Variants in B3GLCT observed in about 807,000 individuals in gnomAD.
B3GLCT encodes the protein beta 3-glucosyltransferase, also known as beta-1,3-glucosyltransferase.
In B3GLCT, 65 loss-of-function variants were observed where a neutral mutation model predicts 63.4. The observed-to-expected ratio is 1.03, with a 90% CI of 0.84 to 1.26. The LOEUF is 1.26. Ranked by LOEUF, B3GLCT falls within the 50% of genes most tolerant of loss-of-function variation. The pLI is 0.00. For synonymous variants in B3GLCT, 233 were observed against 219.2 expected (o/e 1.06, Z -0.55); for missense variants, 577 against 604.8 (o/e 0.95, Z 0.48).
At chr13:31,325,837 C>T (rs1189425418) in intron 14 of B3GLCT, among the ~76,000 whole-genome samples, 1 of 152,176 alleles carries the variant, frequency 6.6e-6, no homozygotes, top group Non-Finnish European at 1.5e-5. Flanking sequence ...TCCTGATGAG[C>T]TAGAGACAGA....
At chr13:31,320,740 T>G (rs937369805) in intron 13 of B3GLCT, among the ~76,000 whole-genome samples, 83 of 152,332 alleles carry the variant, frequency 5.4e-4, no homozygotes, top group African/African-American at 1.9e-3. Context: ...ATCTACACCC[T>G]TATCTTAAAG....
At chr13:31,249,095 T>C (rs759549208) in intron 6 of B3GLCT, among the ~76,000 whole-genome samples, 2 of 152,138 alleles carry the variant, frequency 1.3e-5, no homozygotes, top group Non-Finnish European at 2.9e-5. Flanking sequence ...TCAGATGTAA[T>C]GAGCTCATGG....
At chr13:31,253,025 G>T (rs1391610755) in intron 6 of B3GLCT, among the ~76,000 whole-genome samples, 1 of 152,216 alleles carries the variant, frequency 6.6e-6, no homozygotes, top group Non-Finnish European at 1.5e-5. Context: ...TCAGACCACA[G>T]TGCAATCAAA....
chr13:31,272,104 A>C (rs1872594903), intron 8 of B3GLCT, among the ~76,000 whole-genome samples: 1 of 152,026 alleles, frequency 6.6e-6, no homozygotes, highest in South Asian at 2.1e-4. Context: ...CTCCAGTTTG[A>C]AAATCTTTAT....
intron 2 of B3GLCT, among the ~76,000 whole-genome samples, chr13:31,219,956 C>T (rs566015028): frequency 9.2e-5 from 14 of 152,182 alleles, no homozygotes; most frequent in Non-Finnish European, 1.6e-4. Context: ...ACCCTGTGCT[C>T]AGCATTTTAC....
At position 31,200,018 on chromosome 13, in the gene B3GLCT, G is replaced by C. The variant is rs1301032154; in HGVS notation, c.-67G>C. On this transcript the variant is annotated 5_prime_UTR_variant, in exon 1 of 15. Coordinates refer to ENST00000343307, the MANE Select transcript of B3GLCT (RefSeq NM_194318.4). Reference sequence around the variant, plus strand: ...GCGGCAGGGCGGCGGCGGCAGCGGCGCAGCTCCGCTCCCCGCGCGTCTCCC... The same window carrying C: ...GCGGCAGGGCGGCGGCGGCAGCGGCCCAGCTCCGCTCCCCGCGCGTCTCCC... 2 of 1,040,044 alleles carry C rather than the reference G, an allele frequency of 1.9e-6. No homozygotes were observed. Among genetic ancestry groups the C allele is most frequent in the African/African-American group, 1.7e-5 (1 of 58,978 alleles). The allele number at this position is 1,040,044 out of a possible 1,614,324, so 64.4% of individuals were successfully genotyped here. A position where few individuals can be genotyped will look rare whatever the true frequency, so the allele number is the denominator to read the frequency against.
chr13:31,203,884 C>T (rs963151731), intron 1 of B3GLCT, among the ~76,000 whole-genome samples: 1 of 152,118 alleles, frequency 6.6e-6, no homozygotes, highest in Admixed American at 6.6e-5. Flanking sequence ...TTAACGTAGG[C>T]GTTGACTTGA....
At chr13:31,251,184 C>T (rs572225713) in intron 6 of B3GLCT, among the ~76,000 whole-genome samples, 3 of 152,284 alleles carry the variant, frequency 2.0e-5, no homozygotes, top group East Asian at 3.9e-4. Context: ...ACAAAAAGGA[C>T]GTCCACTCAG....
intron 3 of B3GLCT, among the ~76,000 whole-genome samples, chr13:31,228,237 C>T (rs1393310541): frequency 6.6e-6 from 1 of 152,250 alleles, no homozygotes; most frequent in Admixed American, 6.5e-5. Context: ...GGAGATAACA[C>T]CTAATCCTGG....
At chr13:31,254,602 A>C (rs1012387922) in intron 6 of B3GLCT, among the ~76,000 whole-genome samples, 2 of 152,210 alleles carry the variant, frequency 1.3e-5, no homozygotes, top group Admixed American at 6.5e-5. Flanking sequence ...AAACTGGCAC[A>C]AGACAAGGAT....
chr13:31,235,340 A>G (rs948118457), intron 4 of B3GLCT, among the ~76,000 whole-genome samples: 1 of 152,044 alleles, frequency 6.6e-6, no homozygotes, highest in Non-Finnish European at 1.5e-5. Context: ...TAGATTTGAG[A>G]GTCAGCAGCA....
chr13:31,248,659 A>G (rs1164114328), intron 6 of B3GLCT, among the ~76,000 whole-genome samples: 1 of 152,162 alleles, frequency 6.6e-6, no homozygotes, highest in Admixed American at 6.5e-5. Context: ...GTGGGAAGGG[A>G]TGTATCTTGA....
intron 8 of B3GLCT, among the ~76,000 whole-genome samples, chr13:31,272,113 A>G (rs1033025972): frequency 1.3e-5 from 2 of 151,760 alleles, no homozygotes; most frequent in Non-Finnish European, 2.9e-5. Flanking sequence ...GAAAATCTTT[A>G]TCTTTAAACC....
In B3GLCT at chr13:31,207,299, T is replaced by TAAAA; in HGVS notation, c.70+7145_70+7146insAAAA. 1.3e-5 allele frequency among the ~76,000 whole-genome samples: 2 copies of TAAAA among 151,998 alleles called. 1 individual carries two copies. Among genetic ancestry groups the TAAAA allele is most frequent in the African/African-American group, 4.8e-5 (2 of 41,414 alleles). On this transcript the variant is annotated intron_variant, in intron 1 of 14. Transcript: ENST00000343307. The stretch of plus-strand genomic sequence containing the variant: ...GCGTAAACTGCTAATTTTTTTTTTT[T>TAAAA]GTTTGAATGTTTGCTGTGTTCCTCT...
intron 12 of B3GLCT, among the ~76,000 whole-genome samples, chr13:31,316,432 AATT>A: frequency 4.7e-5 from 1 of 21,432 alleles, no homozygotes; most frequent in African/African-American, 1.1e-4. Flanking sequence ...TATATATATA[AATT>A]TTTTTTTTTT....
At chr13:31,266,851 A>G (rs1348759416) in intron 7 of B3GLCT, among the ~76,000 whole-genome samples, 2 of 152,052 alleles carry the variant, frequency 1.3e-5, no homozygotes, top group African/African-American at 4.8e-5. Flanking sequence ...GCTCACTGCA[A>G]CCTCTACTTC....
intron 4 of B3GLCT, among the ~76,000 whole-genome samples, chr13:31,243,497 T>C (rs952599970): frequency 2.6e-5 from 4 of 152,218 alleles, no homozygotes; most frequent in African/African-American, 9.6e-5. Context: ...GCTTTTTCAT[T>C]CATACTATTA....
At chr13:31,311,638 T>C (rs1874715920) in intron 12 of B3GLCT, 1 of 152,192 alleles carries the variant, frequency 6.6e-6, no homozygotes, top group African/African-American at 2.4e-5. Flanking sequence ...AAGACCTTGG[T>C]TTTAGAATCT....
At chr13:31,260,871 C>G in intron 6 of B3GLCT, 75 bp from the exon 7 acceptor site, 1 of 1,386,262 alleles carries the variant, frequency 7.2e-7, no homozygotes, top group Non-Finnish European at 1.0e-6. Context: ...TATCTGAAAC[C>G]AATAGTACCA....
Sources: gnomAD v4.1 joint callset for allele counts (sites outside exome capture counted in the v4.1 genomes callset) on GRCh38, gnomAD v4.1.1 for gene constraint, MANE v1.5 for transcripts, NCBI Gene and HGNC (gene_info 2026-07-23, HGNC 2026-07-21) for gene names.